ZNF415: variants seen among roughly 807,000 people sequenced by gnomAD.
ZNF415 encodes the protein zinc finger protein 415.
A neutral mutation model predicts 7.3 loss-of-function variants in ZNF415; 5 were observed. That is an observed-to-expected ratio of 0.69 (90% CI 0.36 to 1.44). The LOEUF is 1.44. ZNF415 is among the 40% of genes most tolerant of loss of function. The pLI is 0.04. For missense variants in ZNF415, 628 were observed against 664.8 expected (o/e 0.94, Z 0.61); for synonymous variants, 207 against 226.3 (o/e 0.91, Z 0.77).
rs369272017 is a variant in ZNF415, at chr19:53,108,504, T to C, written c.1541A>G (p.His514Arg). 5.6e-6 allele frequency: 9 copies of C among 1,614,072 alleles called. No homozygotes were observed. Among genetic ancestry groups the C allele is most frequent in the Non-Finnish European group, 7.6e-6 (9 of 1,180,008 alleles). ...TTTCTTTCCAGTATGGATTATCTGA[T>C]GTCTAGTGAGGTTTGGGCGCACACT... ...SFSVRPNLTR[H>R]QIIHTGKKPY... Residue 514 changes from histidine (H) to arginine (R), a missense_variant, in exon 4 of 4, where the codon CAT becomes CGT. Transcript: ENST00000243643.
intron 3 of ZNF415, chr19:53,115,834 G>A (rs561199005): frequency 6.4e-5 from 97 of 1,523,830 alleles, no homozygotes; most frequent in East Asian, 1.5e-4. Context: ...AGAATTTCCC[G>A]CTTATAAAAT....
intron 3 of ZNF415, among the ~76,000 whole-genome samples, chr19:53,115,496 CTGTT>C (rs563052283): frequency 2.2e-4 from 34 of 152,274 alleles, no homozygotes; most frequent in African/African-American, 7.0e-4. Context: ...CCATTTGTCT[CTGTT>C]TGAGCTGCAG....
intron 2 of ZNF415, 149 bp from the exon 3 acceptor site, chr19:53,116,582 T>TATCTC (rs1568565646): frequency 9.9e-7 from 1 of 1,006,886 alleles, no homozygotes; most frequent in African/African-American, 1.7e-5. Context: ...TTTGAGTACA[T>TATCTC]ATCTCTCCCT....
chr19:53,122,508 A>G, intron 2 of ZNF415, 154 bp downstream of exon 2: 7 of 1,589,552 alleles, frequency 4.4e-6, no homozygotes, highest in Non-Finnish European at 6.0e-6. Flanking sequence ...ATCTCAGTAG[A>G]GATGAGAAGG....
In ZNF415 at chr19:53,109,179, A is replaced by G. The variant is rs560811203; in HGVS notation, c.866T>C (p.Leu289Pro). Residue 289 changes from leucine (L) to proline (P), a missense_variant, in exon 4 of 4, where the codon CTA becomes CCA. Physicochemically the swap from Leu to Pro is moderately conservative, Grantham distance 98 (BLOSUM62 -3). Transcript: ENST00000243643. ...RSFSRNSCLA[L>P]HRRVHTGEKP... is the part of the protein sequence containing the mutation. ...CTCTCCAGTGTGAACTCTCCGATGTAGTGCAAGGCATGAGTTGCGACTGAA... is the reference window on the plus strand; with the variant it reads ...CTCTCCAGTGTGAACTCTCCGATGTGGTGCAAGGCATGAGTTGCGACTGAA... 6.2e-7 allele frequency: 1 copy of G among 1,614,046 alleles called. No individual in the cohort carries two copies. The highest frequency in any genetic ancestry group is 8.5e-7 in the Non-Finnish European group (1 of 1,179,986).
intron 1 of ZNF415, among the ~76,000 whole-genome samples, chr19:53,124,866 T>C (rs2088773411): frequency 6.6e-6 from 1 of 151,356 alleles, no homozygotes; most frequent in Non-Finnish European, 1.5e-5. Flanking sequence ...ATGGAAGAGG[T>C]GCGGGGCAGG....
intron 3 of ZNF415, chr19:53,116,099 C>T: frequency 1.6e-6 from 1 of 634,094 alleles, no homozygotes; most frequent in Non-Finnish European, 2.7e-6. Context: ...GATACTTCAG[C>T]TCTGGAACCA....
At chr19:53,121,093 A>G (rs1423671954) in intron 2 of ZNF415, among the ~76,000 whole-genome samples, 1 of 144,722 alleles carries the variant, frequency 6.9e-6, no homozygotes, top group Non-Finnish European at 1.5e-5. Context: ...AAAAAAAAAA[A>G]AAAAAAAAAG....
At position 53,131,208 on chromosome 19, in the gene ZNF415, T is replaced by G. The variant is rs1391530159; in HGVS notation, c.-68+1648A>C. On this transcript the variant is annotated intron_variant, in intron 1 of 3. Transcript: ENST00000243643. ...ACACCCCTGCTTTAGAGAGACACTA[T>G]GTAGTGACAGTCTTTCACTTTCTGC... Among the ~76,000 whole-genome samples the G allele has an allele frequency of 3.9e-5, 6 of 151,966 alleles. No individual in the cohort carries two copies. In the South Asian group the frequency reaches 6.2e-4, roughly 16 times the overall value.
chr19:53,116,612 TC>T (rs57523900), intron 2 of ZNF415, among the ~76,000 whole-genome samples, 179 bp from the exon 3 acceptor site: 28,928 of 73,906 alleles, frequency 0.39, 3,750 homozygotes, highest in African/African-American at 0.5. Context: ...TTTTTTTCTC[TC>T]TTTTTTTTTT....
rs1469133613 is a variant in ZNF415, at chr19:53,109,612, G to T, written c.433C>A (p.Pro145Thr). 6.2e-7 allele frequency: 1 copy of T among 1,614,120 alleles called. No individual in the cohort carries two copies. The highest frequency in any genetic ancestry group is 8.5e-7 in the Non-Finnish European group (1 of 1,180,020). ...AACTGCTGCAGTTCATGGGGATGTG[G>T]TAGAAAGCTTAATCCAAGCTGATGT... ...IKHQLGLSFL[P>T]HPHELQQFQA... Residue 145 changes from proline to threonine, a missense_variant, in exon 4 of 4, where the codon CCA becomes ACA. By Grantham distance (38) the Pro-to-Thr change is conservative. Coordinates refer to ENST00000243643, the MANE Select transcript of ZNF415 (RefSeq NM_018355.4).
Position 53,109,614 on chromosome 19 carries a change from A to G in ZNF415, c.431T>C (p.Leu144Pro), listed in dbSNP as rs761104644. 1 of 1,614,184 alleles carries G rather than the reference A, an allele frequency of 6.2e-7. No individual in the cohort carries two copies. The highest frequency in any genetic ancestry group is 1.7e-5 in the Admixed American group (1 of 60,030). Reference protein sequence around the residue: ...SIKHQLGLSFLPHPHELQQFQ... With the variant: ...SIKHQLGLSFPPHPHELQQFQ... ...CTGCTGCAGTTCATGGGGATGTGGT[A>G]GAAAGCTTAATCCAAGCTGATGTTT... is the stretch of plus-strand genomic sequence containing the variant. Residue 144 changes from leucine to proline, a missense_variant, in exon 4 of 4, where the codon CTA (leucine) becomes CCA (proline). Transcript: ENST00000243643.
chr19:53,123,870 A>G (rs2088573637), intron 1 of ZNF415: 2 of 289,648 alleles, frequency 6.9e-6, no homozygotes, highest in Non-Finnish European at 1.2e-5. Flanking sequence ...ACTGCAGGGG[A>G]ATGCATCTAG....
rs1568586362 is a variant in ZNF415 at position 53,122,687 on chromosome 19, T to C, written c.-11A>G. ...CTGAGTAAAAGCCATTCCTGACTCC[T>C]TTGCTCTCCTCTTCTGGGTTTCTTC... is the stretch of plus-strand genomic sequence containing the variant. On this transcript the variant is annotated 5_prime_UTR_variant, in exon 2 of 4. Transcript: ENST00000243643. The C allele has an allele frequency of 1.2e-6, 2 of 1,614,172 alleles. No homozygotes were observed. Among genetic ancestry groups the C allele is most frequent in the South Asian group, 1.1e-5 (1 of 91,078 alleles).
intron 1 of ZNF415, among the ~76,000 whole-genome samples, chr19:53,127,832 G>C (rs1387821480): frequency 4.8e-5 from 7 of 145,506 alleles, no homozygotes; most frequent in Non-Finnish European, 8.9e-5. Flanking sequence ...GGCCAGGATC[G>C]CACCACTGCA....
At position 53,116,415 on chromosome 19, in the gene ZNF415, C is replaced by T. The variant is rs2087037141; in HGVS notation, c.34G>A (p.Ala12Thr). 3 of 1,614,080 alleles carry T rather than the reference C, an allele frequency of 1.9e-6. No homozygotes were observed. The highest frequency in any genetic ancestry group is 2.5e-6 in the Non-Finnish European group (3 of 1,180,006). ...AFTQLTFRDV[A>T]IEFSQDEWKC... ...CACTCATCTTGAGAGAATTCGATGG[C>T]CACGTCCCTGAATGTCAACTGTCCG... is the stretch of plus-strand genomic sequence containing the variant. Residue 12 changes from alanine (A) to threonine (T), a missense_variant, in exon 3 of 4, where the codon GCC becomes ACC. Ala to Thr is a moderately conservative substitution (Grantham distance 58, BLOSUM62 0). Coordinates refer to ENST00000243643, the MANE Select transcript of ZNF415 (RefSeq NM_018355.4).
intron 1 of ZNF415, among the ~76,000 whole-genome samples, chr19:53,132,588 C>T (rs2090234492): frequency 6.6e-6 from 1 of 152,146 alleles, no homozygotes; most frequent in African/African-American, 2.4e-5. Context: ...GAATACACCT[C>T]TTGGGTGAAG....
At chr19:53,122,355 C>A in intron 2 of ZNF415, 1 of 1,524,186 alleles carries the variant, frequency 6.6e-7, no homozygotes, top group Non-Finnish European at 8.8e-7. Context: ...AAATGTGGCC[C>A]CTGAACAATC....
At chr19:53,128,448 C>T (rs9676407) in intron 1 of ZNF415, among the ~76,000 whole-genome samples, 2 of 138,470 alleles carry the variant, frequency 1.4e-5, no homozygotes, top group African/African-American at 5.3e-5. Flanking sequence ...TGCCAAATTC[C>T]CCCGCTGTTT....
Sources: allele counts gnomAD v4.1 joint callset (sites outside exome capture counted in the v4.1 genomes callset), GRCh38; gene constraint gnomAD v4.1.1; transcripts MANE v1.5; gene names NCBI Gene and HGNC (gene_info 2026-07-23, HGNC 2026-07-21).